MCMBP: variants seen among roughly 807,000 people sequenced by gnomAD.
The protein encoded by MCMBP is minichromosome maintenance complex binding protein.
A neutral mutation model predicts 81.3 loss-of-function variants in MCMBP; 31 were observed. The observed-to-expected ratio is 0.38, with a 90% CI of 0.29 to 0.51. MCMBP has a LOEUF of 0.51. Ranked by LOEUF, MCMBP falls within the 20% of genes least tolerant of loss-of-function variation. The probability of loss-of-function intolerance (pLI) is 0.87; values close to 1 mark genes in which losing one functional copy is unlikely to be tolerated. For synonymous variants in MCMBP, 267 were observed against 275.9 expected (o/e 0.97, Z 0.32); for missense variants, 645 against 772.1 (o/e 0.84, Z 1.95).
chr10:119,837,748 A>G (rs572342449), intron 12 of MCMBP, among the ~76,000 whole-genome samples: 2 of 152,134 alleles, frequency 1.3e-5, no homozygotes, highest in Admixed American at 6.5e-5. Context: ...TGGCCACTGC[A>G]CTCCAGCCTG....
chr10:119,863,914 G>T (rs1239316786), intron 1 of MCMBP, among the ~76,000 whole-genome samples: 1 of 151,884 alleles, frequency 6.6e-6, no homozygotes, highest in Non-Finnish European at 1.5e-5. Flanking sequence ...ACCCAACCAA[G>T]ATACTGATGT....
rs1852008648 is a variant in MCMBP, at chr10:119,830,928, G to A, written c.*546C>T. ...GTTAACAAATGTTAAGTGGGAAAAA[G>A]TTTCTGTGGCCAAACATCTGGGAAA... On this transcript the variant is annotated 3_prime_UTR_variant, in exon 16 of 16. Coordinates refer to ENST00000369077, the MANE Select transcript of MCMBP (RefSeq NM_001256378.2). The A allele has an allele frequency of 6.6e-6, 1 of 152,456 alleles. No homozygotes were observed. The allele number at this position is 152,456 out of a possible 1,614,324, so 9.4% of individuals were successfully genotyped here.
chr10:119,831,726 TAC>T, intron 15 of MCMBP, 126 bp from the exon 16 acceptor site: 1 of 1,118,422 alleles, frequency 8.9e-7, no homozygotes, highest in Non-Finnish European at 1.2e-6. Flanking sequence ...GTATGGTAGT[TAC>T]ACACAAGTCA....
chr10:119,869,107 C>T (rs1227940122), intron 1 of MCMBP, among the ~76,000 whole-genome samples: 2 of 152,170 alleles, frequency 1.3e-5, no homozygotes. Context: ...TTCCAGCGTC[C>T]AGGAAAGAGA....
rs991131159 is a variant in MCMBP at position 119,872,492 on chromosome 10, G to A, written c.58+35C>T. On this transcript the variant is annotated intron_variant, in intron 1 of 15. Transcript: ENST00000369077. ...GCCCCGGGGCCCGGCAAACTCGGCTGCCCGCCCGGCCCGCCCCCCGGCGCC... is the reference window on the plus strand; with the variant it reads ...GCCCCGGGGCCCGGCAAACTCGGCTACCCGCCCGGCCCGCCCCCCGGCGCC... The A allele has an allele frequency of 4.3e-6, 5 of 1,156,734 alleles. No individual in the cohort carries two copies. The African/African-American group carries it at 6.6e-5, about 15-fold the overall frequency. 71.7% of individuals were successfully genotyped at this position (1,156,734 alleles called of 1,614,324 possible).
At chr10:119,856,738 A>G (rs1853059836) in intron 5 of MCMBP, among the ~76,000 whole-genome samples, 1 of 152,244 alleles carries the variant, frequency 6.6e-6, no homozygotes, top group African/African-American at 2.4e-5. Context: ...TCCCCTCTCA[A>G]AAGAGCCAAC....
At chr10:119,847,110 AAGG>A (rs1486516320) in intron 8 of MCMBP, among the ~76,000 whole-genome samples, 2 of 152,084 alleles carry the variant, frequency 1.3e-5, no homozygotes, top group African/African-American at 2.4e-5. Flanking sequence ...CTAATACAGA[AAGG>A]AGAACAAGCA....
intron 7 of MCMBP, among the ~76,000 whole-genome samples, chr10:119,848,649 C>G (rs1402946375): frequency 6.6e-6 from 1 of 151,898 alleles, no homozygotes; most frequent in East Asian, 1.9e-4. Context: ...AACAAAAAAA[C>G]CCAAAATGCA....
rs201683112 is a variant in MCMBP, at chr10:119,859,762, G to A, written c.144+37C>T. ...TCTACTAAGAGAAACTGTATAGTCT[G>A]TCCAACCCTCTCCCTCGAAAATAGC... On this transcript the variant is annotated intron_variant, in intron 2 of 15. Transcript: ENST00000369077. The A allele has an allele frequency of 5.5e-4, 793 of 1,453,544 alleles. 10 individuals carry two copies. The South Asian group carries it at 8.4e-3, about 15-fold the overall frequency. The allele number at this position is 1,453,544 out of a possible 1,614,324, so 90.0% of individuals were successfully genotyped here. A position where few individuals can be genotyped will look rare whatever the true frequency, so the allele number is the denominator to read the frequency against.
At chr10:119,872,488 G>T in intron 1 of MCMBP, 39 bp downstream of exon 1, 1 of 1,155,480 alleles carries the variant, frequency 8.7e-7, no homozygotes, top group South Asian at 4.1e-5. Context: ...CGGCAAACTC[G>T]GCTGCCCGCC....
intron 6 of MCMBP, among the ~76,000 whole-genome samples, chr10:119,852,834 A>G (rs559200586): frequency 6.6e-6 from 1 of 152,354 alleles, no homozygotes; most frequent in Admixed American, 6.5e-5. Context: ...GACTCCAAAC[A>G]CATACATCAG....
chr10:119,863,488 T>C (rs960329481), intron 1 of MCMBP, among the ~76,000 whole-genome samples: 5 of 152,048 alleles, frequency 3.3e-5, no homozygotes, highest in Non-Finnish European at 5.9e-5. Flanking sequence ...TCCCAGCACT[T>C]TGGGAGGCCG....
intron 2 of MCMBP, 88 bp downstream of exon 2, chr10:119,859,710 TA>T: frequency 2.5e-6 from 2 of 790,588 alleles, no homozygotes; most frequent in Non-Finnish European, 4.0e-6. Context: ...TACATATTTT[TA>T]AATTACATGT....
At chr10:119,850,080 C>G (rs998776012) in intron 6 of MCMBP, among the ~76,000 whole-genome samples, 31 of 152,268 alleles carry the variant, frequency 2.0e-4, no homozygotes, top group African/African-American at 7.5e-4. Flanking sequence ...ATAACCCCAA[C>G]TCCTGAAGTA....
chr10:119,847,595 A>C lies in MCMBP; in HGVS notation c.827+18T>G. 1.3e-6 allele frequency: 2 copies of C among 1,487,366 alleles called. No individual in the cohort carries two copies. The highest frequency in any genetic ancestry group is 1.8e-6 in the Non-Finnish European group (2 of 1,085,210). 92.1% of individuals were successfully genotyped at this position (1,487,366 alleles called of 1,614,324 possible). On this transcript the variant is annotated intron_variant, in intron 8 of 15. Transcript: ENST00000369077. ...ATATAAAAATAAAGGAGACCAAAAAAAGAGCACACAGACTCACCTTTCATC... is the reference window on the plus strand; with the variant it reads ...ATATAAAAATAAAGGAGACCAAAAACAGAGCACACAGACTCACCTTTCATC...
chr10:119,866,308 G>A (rs1384767785), intron 1 of MCMBP, among the ~76,000 whole-genome samples: 1 of 152,072 alleles, frequency 6.6e-6, no homozygotes, highest in African/African-American at 2.4e-5. Flanking sequence ...CTAAAGGTAT[G>A]GGGTTTCTTT....
intron 5 of MCMBP, among the ~76,000 whole-genome samples, chr10:119,854,244 G>A (rs1159192536): frequency 6.6e-6 from 1 of 151,726 alleles, no homozygotes; most frequent in Non-Finnish European, 1.5e-5. Flanking sequence ...GTATTGCCAT[G>A]TTGGCCAGGT....
At chr10:119,865,210 G>A (rs986757573) in intron 1 of MCMBP, among the ~76,000 whole-genome samples, 1 of 152,110 alleles carries the variant, frequency 6.6e-6, no homozygotes, top group South Asian at 2.1e-4. Context: ...CTGTTGCTTG[G>A]TGCATATATA....
chr10:119,860,390 C>T (rs1228484212), intron 1 of MCMBP, among the ~76,000 whole-genome samples: 3 of 152,166 alleles, frequency 2.0e-5, no homozygotes, highest in African/African-American at 2.4e-5. Flanking sequence ...TTTGCTCCAT[C>T]TCATATTTTT....
Sources: gnomAD v4.1 joint callset for allele counts (sites outside exome capture counted in the v4.1 genomes callset) on GRCh38, gnomAD v4.1.1 for gene constraint, MANE v1.5 for transcripts, NCBI Gene and HGNC (gene_info 2026-07-23, HGNC 2026-07-21) for gene names.